The following TLN2 variants were observed in gnomAD, a reference collection of about 807,000 sequenced individuals.
TLN2 encodes talin-2.
TLN2 carries 118 observed loss-of-function variants against 294.7 expected under a neutral mutation model. That is an observed-to-expected ratio of 0.40 (90% CI 0.34 to 0.47). TLN2 has a LOEUF of 0.47. Among genes scored for constraint, TLN2 ranks in the 20% least tolerant of loss-of-function variants. The pLI is 0.84. For missense variants in TLN2, 3,083 were observed against 3,282.2 expected, an observed-to-expected ratio of 0.94 and a Z score of 1.48; for synonymous variants, 1,431 against 1,304.5, an observed-to-expected ratio of 1.10 and a Z score of -2.09.
rs371205581 is a variant in TLN2, at chr15:62,641,793, C to T, written c.-36-5482C>T. Among the ~76,000 whole-genome samples the T allele has an allele frequency of 2.6e-5, 4 of 152,278 alleles. No homozygotes were observed. In the East Asian group the frequency reaches 5.8e-4, roughly 22 times the overall value. On this transcript the variant is annotated intron_variant, in intron 3 of 58. Transcript: ENST00000636159. ...GCAGTTAAGTGACCAGCTCAAGTCA[C>T]GCAGCTGGTAAGGCAGGTGGGGTCA...
chr15:62,736,153 A>G (rs560709437), intron 28 of TLN2, among the ~76,000 whole-genome samples: 1 of 152,178 alleles, frequency 6.6e-6, no homozygotes, highest in South Asian at 2.1e-4. Flanking sequence ...TCTACTAAAA[A>G]AAGAAAATAC....
chr15:62,561,963 G>GC (rs1483806139), intron 1 of TLN2, among the ~76,000 whole-genome samples: 1 of 151,940 alleles, frequency 6.6e-6, no homozygotes, highest in Non-Finnish European at 1.5e-5. Context: ...AGCACCCTGC[G>GC]TTCACGTTTT....
chr15:62,663,583 G>GA (rs566158899), intron 9 of TLN2, among the ~76,000 whole-genome samples: 51 of 135,402 alleles, frequency 3.8e-4, no homozygotes, highest in Middle Eastern at 3.7e-3. Flanking sequence ...GTGGTCTTTA[G>GA]AAAAAAAAAA....
chr15:62,643,405 A>ATTTTTTTTTTTTT (rs571288380), intron 3 of TLN2, among the ~76,000 whole-genome samples: 7 of 90,742 alleles, frequency 7.7e-5, no homozygotes, highest in Middle Eastern at 5.7e-3. Context: ...TGGTTCCAGG[A>ATTTTTTTTTTTTT]TTTTTTTTTT....
chr15:62,468,942 C>T (rs570784893), intron 1 of TLN2, among the ~76,000 whole-genome samples: 1 of 152,268 alleles, frequency 6.6e-6, no homozygotes, highest in South Asian at 2.1e-4. Context: ...CCTACGAATA[C>T]AGCAATTGCC....
chr15:62,601,258 A>G (rs2046977487), intron 2 of TLN2, among the ~76,000 whole-genome samples: 1 of 152,222 alleles, frequency 6.6e-6, no homozygotes, highest in African/African-American at 2.4e-5. Flanking sequence ...GCTGTTAAAC[A>G]TGATACAACC....
intron 1 of TLN2, among the ~76,000 whole-genome samples, chr15:62,531,172 C>T (rs1356213346): frequency 6.6e-6 from 1 of 152,180 alleles, no homozygotes; most frequent in East Asian, 1.9e-4. Context: ...CTAGAATCAA[C>T]TTAAGTCCCA....
At chr15:62,552,992 C>T (rs1241377208) in intron 1 of TLN2, among the ~76,000 whole-genome samples, 1 of 152,084 alleles carries the variant, frequency 6.6e-6, no homozygotes, top group Non-Finnish European at 1.5e-5. Context: ...AAGGATCTCA[C>T]GTGATATGTG....
chr15:62,528,000 A>G (rs2040831555), intron 1 of TLN2, among the ~76,000 whole-genome samples: 1 of 152,238 alleles, frequency 6.6e-6, no homozygotes, highest in Admixed American at 6.5e-5. Context: ...ACATGAATAT[A>G]TGACTTACCC....
intron 14 of TLN2, among the ~76,000 whole-genome samples, chr15:62,696,121 A>G (rs1290884493): frequency 2.0e-5 from 3 of 151,952 alleles, no homozygotes; most frequent in Non-Finnish European, 4.4e-5. Context: ...GTGTCTCACC[A>G]CCCCACCCCT....
chr15:62,844,230 C>T lies in TLN2; in HGVS notation c.*3620C>T, dbSNP rs2070987076. ...TCCCCAAGTACCATGTTGAAAATGT[C>T]CTCAGTCTGTTGCTCCATCTTTCTG... On this transcript the variant is annotated 3_prime_UTR_variant, in exon 59 of 59. Transcript: ENST00000636159. 1 of 152,244 alleles carries T rather than the reference C, an allele frequency of 6.6e-6. No individual in the cohort carries two copies. The highest frequency in any genetic ancestry group is 1.5e-5 in the Non-Finnish European group (1 of 68,180). 9.4% of individuals were successfully genotyped at this position (152,244 alleles called of 1,614,324 possible).
chr15:62,446,890 C>A lies in TLN2; in HGVS notation c.-238+56205C>A, dbSNP rs552591025. Among the ~76,000 whole-genome samples, 6 of 152,276 alleles carry A rather than the reference C, an allele frequency of 3.9e-5. No individual in the cohort carries two copies. The South Asian group carries it at 1.2e-3, about 32-fold the overall frequency. Reference sequence around the variant, plus strand: ...CACAAGATTAAATAACCATTCAAACCGGACAAGGCATAATTAGTTGTTAGA... The same window carrying A: ...CACAAGATTAAATAACCATTCAAACAGGACAAGGCATAATTAGTTGTTAGA... On this transcript the variant is annotated intron_variant, in intron 1 of 58. Coordinates refer to ENST00000636159, the MANE Select transcript of TLN2 (RefSeq NM_015059.3).
At position 62,783,810 on chromosome 15, in the gene TLN2, C is replaced by A. The variant is rs762471763; in HGVS notation, c.5656C>A (p.Leu1886Met). Residue 1886 changes from leucine to methionine, a missense_variant, in exon 45 of 59, where the codon CTG (leucine) becomes ATG (methionine). By Grantham distance (15) the Leu-to-Met change is conservative (BLOSUM62 2). Transcript: ENST00000636159. Reference sequence around the variant, plus strand: ...TACTAACCCGGAGGAGTTGGGAGGACTGGCTTCACAAATGACCAGTGACTA... The same window carrying A: ...TACTAACCCGGAGGAGTTGGGAGGAATGGCTTCACAAATGACCAGTGACTA... ...SVTNPEELGG[L>M]ASQMTSDYGH... 6.2e-7 allele frequency: 1 copy of A among 1,612,440 alleles called. No homozygotes were observed. Among genetic ancestry groups the A allele is most frequent in the Non-Finnish European group, 8.5e-7 (1 of 1,178,612 alleles).
intron 1 of TLN2, among the ~76,000 whole-genome samples, chr15:62,441,556 G>A (rs2035546356): frequency 1.3e-5 from 2 of 152,306 alleles, no homozygotes; most frequent in African/African-American, 2.4e-5. Flanking sequence ...GCGGGAGGAC[G>A]TTCCCCACAC....
chr15:62,751,626 C>G (rs1459755709), intron 34 of TLN2, among the ~76,000 whole-genome samples: 5 of 152,128 alleles, frequency 3.3e-5, no homozygotes, highest in Non-Finnish European at 7.3e-5. Context: ...TCATTGTTGC[C>G]AAGGAAAATA....
chr15:62,840,785 T>C lies in TLN2; in HGVS notation c.*175T>C. On this transcript the variant is annotated 3_prime_UTR_variant, in exon 59 of 59. Transcript: ENST00000636159. ...CCCGTCGGCACTGGCTGCATGATCG[T>C]GATGTCACACGGTACAATGTCCTAC... is the stretch of plus-strand genomic sequence containing the variant. 1.2e-6 allele frequency: 1 copy of C among 855,976 alleles called. No homozygotes were observed. Among genetic ancestry groups the C allele is most frequent in the South Asian group, 1.9e-5 (1 of 53,792 alleles). The allele number at this position is 855,976 out of a possible 1,614,324, so 53.0% of individuals were successfully genotyped here.
chr15:62,835,638 G>C (rs1227323724), intron 55 of TLN2, 99 bp from the exon 56 acceptor site: 1 of 1,329,704 alleles, frequency 7.5e-7, no homozygotes, highest in East Asian at 2.3e-5. Flanking sequence ...GGCACCAAGC[G>C]GGGTACAAGT....
At chr15:62,689,068 CT>C (rs796645804) in intron 12 of TLN2, among the ~76,000 whole-genome samples, 3,134 of 116,562 alleles carry the variant, frequency 0.027, 86 homozygotes, top group Admixed American at 0.12. Context: ...TTCTCTCTCT[CT>C]TTTTTTTTTT....
At position 62,552,301 on chromosome 15, in the gene TLN2, C is replaced by T. The variant is rs544523133; in HGVS notation, c.-237-37386C>T. Among the ~76,000 whole-genome samples, 13 of 152,284 alleles carry T rather than the reference C, an allele frequency of 8.5e-5. 1 individual carries two copies. In the South Asian group the frequency reaches 2.7e-3, roughly 32 times the overall value. ...ATTTGTTTTGACTATTAAATACATACAGTTGATTCCCATTATTCACGGATT... is the reference window on the plus strand; with the variant it reads ...ATTTGTTTTGACTATTAAATACATATAGTTGATTCCCATTATTCACGGATT... On this transcript the variant is annotated intron_variant, in intron 1 of 58. Transcript: ENST00000636159.
Sources: gnomAD v4.1 joint callset for allele counts (sites outside exome capture counted in the v4.1 genomes callset) on GRCh38, gnomAD v4.1.1 for gene constraint, MANE v1.5 for transcripts, NCBI Gene and HGNC (gene_info 2026-07-23, HGNC 2026-07-21) for gene names.